UCHL3: variants seen among roughly 807,000 people sequenced by gnomAD.
UCHL3 encodes ubiquitin C-terminal hydrolase L3.
UCHL3 carries 22 observed loss-of-function variants against 35.8 expected under a neutral mutation model. The ratio of observed to expected loss-of-function variants is 0.61; its 90% CI spans 0.44 to 0.88. UCHL3 has a LOEUF of 0.88. UCHL3 is among the 40% of genes least tolerant of loss of function. The pLI is 0.00. For missense variants in UCHL3, 229 were observed against 276.9 expected (o/e 0.83, Z 1.23); for synonymous variants, 90 against 92.8 (o/e 0.97, Z 0.17).
intron 6 of UCHL3, among the ~76,000 whole-genome samples, chr13:75,570,384 C>T (rs894418003): frequency 1.3e-5 from 2 of 152,026 alleles, no homozygotes; most frequent in African/African-American, 2.4e-5. Context: ...TACAGGCGCC[C>T]GCCACCATGC....
At chr13:75,562,149 T>G (rs559187877) in intron 3 of UCHL3, among the ~76,000 whole-genome samples, 1 of 152,244 alleles carries the variant, frequency 6.6e-6, no homozygotes, top group Non-Finnish European at 1.5e-5. Context: ...AAGACTTTGC[T>G]TAGTCCTGGA....
At position 75,604,420 on chromosome 13, in the gene UCHL3, A is replaced by T. The variant is rs533158920; in HGVS notation, c.551-349A>T. On this transcript the variant is annotated intron_variant, in intron 7 of 8. Coordinates refer to ENST00000377595, the MANE Select transcript of UCHL3 (RefSeq NM_006002.5). ...TGTCTTACTTGAGATCTTCCTATTT[A>T]AAGTGAAAAAAGAAATTTTTTTAAT... 3.4e-5 allele frequency: 6 copies of T among 174,940 alleles called. No individual in the cohort carries two copies. In the South Asian group the frequency reaches 1.1e-3, roughly 31 times the overall value. 10.8% of individuals were successfully genotyped at this position (174,940 alleles called of 1,614,324 possible).
At chr13:75,561,821 ATATACGTACGTATATACGTATACG>A (rs2031516749) in intron 3 of UCHL3, among the ~76,000 whole-genome samples, 1 of 34,284 alleles carries the variant, frequency 2.9e-5, no homozygotes, top group Non-Finnish European at 1.2e-4. Context: ...ACGTATACGT[ATATACGTACGTATATACGTATACG>A]TATACATACG....
chr13:75,601,906 G>A (rs934647585), intron 7 of UCHL3, among the ~76,000 whole-genome samples: 2 of 151,994 alleles, frequency 1.3e-5, no homozygotes, highest in Non-Finnish European at 2.9e-5. Context: ...TCAGGAGATC[G>A]AGACCATCCT....
intron 2 of UCHL3, among the ~76,000 whole-genome samples, chr13:75,559,275 C>G (rs1352324460): frequency 6.7e-6 from 1 of 149,658 alleles, no homozygotes; most frequent in Non-Finnish European, 1.5e-5. Flanking sequence ...CTCCTGACCT[C>G]GTGATCCACC....
At chr13:75,586,884 T>C (rs2032336837) in intron 6 of UCHL3, among the ~76,000 whole-genome samples, 1 of 151,580 alleles carries the variant, frequency 6.6e-6, no homozygotes, top group African/African-American at 2.4e-5. Flanking sequence ...TGGAGAGAAA[T>C]CTATAGCATG....
chr13:75,580,801 C>T (rs889103633), intron 6 of UCHL3, among the ~76,000 whole-genome samples: 2 of 152,138 alleles, frequency 1.3e-5, no homozygotes, highest in Non-Finnish European at 2.9e-5. Context: ...CTAATATATT[C>T]AAGGTCACAC....
At chr13:75,571,495 T>C (rs1177394992) in intron 6 of UCHL3, among the ~76,000 whole-genome samples, 1 of 152,232 alleles carries the variant, frequency 6.6e-6, no homozygotes, top group Non-Finnish European at 1.5e-5. Context: ...TTCTGTTTCT[T>C]ACAATAGTTC....
intron 3 of UCHL3, among the ~76,000 whole-genome samples, chr13:75,562,664 G>A (rs1455528527): frequency 6.6e-6 from 1 of 151,970 alleles, no homozygotes; most frequent in Non-Finnish European, 1.5e-5. Flanking sequence ...AAATAAATTA[G>A]ATTTGATCTC....
Position 75,567,328 on chromosome 13 carries a change from C to G in UCHL3, c.426+16C>G. 1 of 1,612,658 alleles carries G rather than the reference C, an allele frequency of 6.2e-7. No homozygotes were observed. Among genetic ancestry groups the G allele is most frequent in the Non-Finnish European group, 8.5e-7 (1 of 1,178,904 alleles). ...GAACTATGATGTCGGTACCTTCTTT[C>G]CGTTTTGATCTCATGTGGGCAAAAG... On this transcript the variant is annotated intron_variant, in intron 5 of 8. Transcript: ENST00000377595.
intron 6 of UCHL3, among the ~76,000 whole-genome samples, chr13:75,572,796 G>T (rs935347552): frequency 6.6e-6 from 1 of 152,046 alleles, no homozygotes; most frequent in Non-Finnish European, 1.5e-5. Flanking sequence ...ATTCTTTTTT[G>T]TGCGGGACTG....
intron 8 of UCHL3, 81 bp downstream of exon 8, chr13:75,604,908 T>G: frequency 2.5e-6 from 3 of 1,199,466 alleles, no homozygotes; most frequent in Non-Finnish European, 3.4e-6. Context: ...TGCATAACAT[T>G]TTCTTTGTAT....
At chr13:75,575,933 G>C (rs1198612964) in intron 6 of UCHL3, among the ~76,000 whole-genome samples, 1 of 151,760 alleles carries the variant, frequency 6.6e-6, no homozygotes, top group East Asian at 2.0e-4. Flanking sequence ...TATATTTTTA[G>C]TAGAGACGGG....
chr13:75,571,697 G>A (rs548580918), intron 6 of UCHL3, among the ~76,000 whole-genome samples: 15 of 152,268 alleles, frequency 9.9e-5, no homozygotes, highest in Middle Eastern at 3.4e-3. Context: ...GTTTCCTAGT[G>A]TGTAGAGCAG....
At chr13:75,552,696 T>C (rs2031153744) in intron 2 of UCHL3, among the ~76,000 whole-genome samples, 1 of 152,220 alleles carries the variant, frequency 6.6e-6, no homozygotes, top group Admixed American at 6.5e-5. Flanking sequence ...CATTTTAAAC[T>C]CTACTTTATT....
intron 6 of UCHL3, among the ~76,000 whole-genome samples, chr13:75,593,414 A>G (rs1270141899): frequency 6.6e-6 from 1 of 152,192 alleles, no homozygotes; most frequent in Admixed American, 6.6e-5. Context: ...ATTTAAAGAA[A>G]TATGTTCAGG....
intron 8 of UCHL3, among the ~76,000 whole-genome samples, chr13:75,605,144 A>G (rs1399398225): frequency 6.6e-6 from 1 of 152,234 alleles, no homozygotes; most frequent in East Asian, 1.9e-4. Context: ...ATTTTAAAAC[A>G]TGAATAAATT....
At chr13:75,561,168 A>G (rs1485852693) in intron 3 of UCHL3, among the ~76,000 whole-genome samples, 2 of 152,156 alleles carry the variant, frequency 1.3e-5, no homozygotes, top group Non-Finnish European at 2.9e-5. Context: ...CTCGGGCTCA[A>G]GTGATCCTCC....
intron 8 of UCHL3, 130 bp from the exon 9 acceptor site, chr13:75,605,595 GTTCT>G: frequency 1.2e-6 from 1 of 827,616 alleles, no homozygotes; most frequent in Non-Finnish European, 1.9e-6. Flanking sequence ...CTTTTCTGGT[GTTCT>G]TTATTTCTCA....
Sources: gnomAD v4.1 joint callset for allele counts (sites outside exome capture counted in the v4.1 genomes callset) on GRCh38, gnomAD v4.1.1 for gene constraint, MANE v1.5 for transcripts, NCBI Gene and HGNC (gene_info 2026-07-23, HGNC 2026-07-21) for gene names.